KLHL1: variants seen among roughly 807,000 people sequenced by gnomAD.
KLHL1 encodes the protein kelch-like protein 1.
A neutral mutation model predicts 77.7 loss-of-function variants in KLHL1; 47 were observed. The ratio of observed to expected loss-of-function variants is 0.60; its 90% CI spans 0.48 to 0.77. The LOEUF is 0.77. KLHL1 is among the 30% of genes least tolerant of loss of function. The probability of loss-of-function intolerance (pLI) is 0.00; values close to 1 mark genes in which losing one functional copy is unlikely to be tolerated. For synonymous variants in KLHL1, 360 were observed against 325.2 expected (o/e 1.11, Z -1.15); for missense variants, 925 against 910.8 (o/e 1.02, Z -0.20).
chr13:69,947,617 C>A (rs913669663), intron 3 of KLHL1, among the ~76,000 whole-genome samples: 1 of 151,662 alleles, frequency 6.6e-6, no homozygotes, highest in African/African-American at 2.4e-5. Flanking sequence ...TTATTTATTG[C>A]TAGCTTTGGA....
chr13:69,846,798 C>T (rs147888102), intron 5 of KLHL1, among the ~76,000 whole-genome samples: 137 of 151,422 alleles, frequency 9.0e-4, no homozygotes, highest in African/African-American at 3.2e-3. Flanking sequence ...TGTGTGCACA[C>T]TCTTCAAATT....
chr13:70,019,457 C>T (rs985533381), intron 1 of KLHL1, among the ~76,000 whole-genome samples: 17 of 135,310 alleles, frequency 1.3e-4, no homozygotes, highest in African/African-American at 4.6e-4. Context: ...GAGGCAGGTA[C>T]TATTATTTGC....
intron 4 of KLHL1, among the ~76,000 whole-genome samples, chr13:69,939,723 G>A (rs1051790607): frequency 4.6e-5 from 7 of 152,058 alleles, no homozygotes; most frequent in African/African-American, 7.2e-5. Context: ...AGGGCCTGGA[G>A]CCTATGCGCC....
intron 1 of KLHL1, among the ~76,000 whole-genome samples, chr13:70,056,693 G>A (rs1193858662): frequency 6.6e-6 from 1 of 151,930 alleles, no homozygotes; most frequent in Non-Finnish European, 1.5e-5. Flanking sequence ...ACAAACACAT[G>A]GAAATTAAAC....
At chr13:70,043,543 T>C (rs1886427203) in intron 1 of KLHL1, among the ~76,000 whole-genome samples, 1 of 152,192 alleles carries the variant, frequency 6.6e-6, no homozygotes, top group African/African-American at 2.4e-5. Flanking sequence ...AACTTTCAGT[T>C]GTGGAAGCTC....
chr13:69,993,846 C>T (rs1885084529), intron 1 of KLHL1, among the ~76,000 whole-genome samples: 1 of 151,984 alleles, frequency 6.6e-6, no homozygotes, highest in Non-Finnish European at 1.5e-5. Context: ...GGGATGACCC[C>T]AAGATACTGG....
intron 2 of KLHL1, among the ~76,000 whole-genome samples, chr13:69,964,846 G>C (rs1417142784): frequency 6.6e-6 from 1 of 151,676 alleles, no homozygotes; most frequent in Non-Finnish European, 1.5e-5. Flanking sequence ...TAAACAACTG[G>C]GTCATCTCTT....
Position 70,030,484 on chromosome 13 carries a change from T to C in KLHL1, c.498-54682A>G, listed in dbSNP as rs145131237. On this transcript the variant is annotated intron_variant, in intron 1 of 10. Coordinates refer to ENST00000377844, the MANE Select transcript of KLHL1 (RefSeq NM_020866.3). Reference sequence around the variant, plus strand: ...ACATGGAAACTGAAAAACCTGCTCCTGAATGACTACAAGGTACATAACGAA... The same window carrying C: ...ACATGGAAACTGAAAAACCTGCTCCCGAATGACTACAAGGTACATAACGAA... Among the ~76,000 whole-genome samples, 738 of 152,346 alleles carry C rather than the reference T, an allele frequency of 4.8e-3. 7 individuals carry two copies. Among genetic ancestry groups the C allele is most frequent in the Middle Eastern group, 0.014 (4 of 294 alleles).
At chr13:69,867,179 T>A (rs979604155) in intron 5 of KLHL1, among the ~76,000 whole-genome samples, 6 of 152,158 alleles carry the variant, frequency 3.9e-5, no homozygotes, top group African/African-American at 1.4e-4. Context: ...TAACAGAGTC[T>A]ATCACATAGT....
At chr13:70,099,411 T>C (rs1162104977) in intron 1 of KLHL1, among the ~76,000 whole-genome samples, 1 of 152,018 alleles carries the variant, frequency 6.6e-6, no homozygotes, top group South Asian at 2.1e-4. Context: ...TGTGCAGAGA[T>C]GCTTACTAGA....
intron 6 of KLHL1, among the ~76,000 whole-genome samples, chr13:69,829,587 A>T (rs1878680925): frequency 6.7e-6 from 1 of 150,184 alleles, no homozygotes; most frequent in South Asian, 2.1e-4. Context: ...CCAAACCAAG[A>T]AGAAATCTCT....
chr13:69,932,374 C>T (rs866435231), intron 4 of KLHL1, among the ~76,000 whole-genome samples: 7 of 151,418 alleles, frequency 4.6e-5, no homozygotes, highest in African/African-American at 9.7e-5. Context: ...TAAGTTGAAA[C>T]GACCCTGGAA....
intron 1 of KLHL1, among the ~76,000 whole-genome samples, chr13:70,007,454 A>C (rs1280636582): frequency 1.3e-5 from 2 of 151,940 alleles, no homozygotes; most frequent in Non-Finnish European, 1.5e-5. Context: ...CAAAAAAAAA[A>C]ACACAAGTAA....
At chr13:69,985,914 A>ATG (rs1884856637) in intron 1 of KLHL1, among the ~76,000 whole-genome samples, 1 of 147,854 alleles carries the variant, frequency 6.8e-6, no homozygotes, top group African/African-American at 2.5e-5. Context: ...TGTAAGTTAT[A>ATG]TATATATGTA....
chr13:69,743,859 G>C (rs1361121480), intron 7 of KLHL1, among the ~76,000 whole-genome samples: 2 of 151,242 alleles, frequency 1.3e-5, no homozygotes, highest in Non-Finnish European at 2.9e-5. Context: ...AATAAATTAG[G>C]GATAAATAAA....
At chr13:70,047,580 G>A (rs1196624475) in intron 1 of KLHL1, among the ~76,000 whole-genome samples, 4 of 151,998 alleles carry the variant, frequency 2.6e-5, no homozygotes, top group African/African-American at 9.7e-5. Flanking sequence ...AGATTTCATT[G>A]AAAAGATAAA....
rs1566411065 is a variant in KLHL1, at chr13:69,927,737, TA to T, written c.1014+12302del. On this transcript the variant is annotated intron_variant, in intron 4 of 10. Coordinates refer to ENST00000377844, the MANE Select transcript of KLHL1 (RefSeq NM_020866.3). Reference sequence around the variant, plus strand: ...CACATACTAGGATGGCTATAATCAATAAAAAACAACAAAAATTATTGGCAAG... The same window carrying T: ...CACATACTAGGATGGCTATAATCAATAAAAACAACAAAAATTATTGGCAAG... Among the ~76,000 whole-genome samples, 5 of 152,174 alleles carry T rather than the reference TA, an allele frequency of 3.3e-5. No individual in the cohort carries two copies. In the South Asian group the frequency reaches 6.2e-4, roughly 19 times the overall value.
Position 69,721,250 on chromosome 13 carries a change from C to G in KLHL1, c.1803-1669G>C, listed in dbSNP as rs147711614. Among the ~76,000 whole-genome samples the G allele has an allele frequency of 7.0e-3, 1,018 of 145,854 alleles. 11 individuals are homozygous for G. The highest frequency in any genetic ancestry group is 0.024 in the African/African-American group (974 of 39,824). On this transcript the variant is annotated intron_variant, in intron 8 of 10. Transcript: ENST00000377844. ...CACTTGTCTCTTAACCTACCTATGA[C>G]CTGGAAGCCCCCTCCCCATTTCGAT...
chr13:69,956,750 T>C (rs111812228), intron 3 of KLHL1, among the ~76,000 whole-genome samples: 5 of 151,736 alleles, frequency 3.3e-5, no homozygotes, highest in African/African-American at 9.6e-5. Flanking sequence ...TATATAACTG[T>C]GTCCTCATAT....
Sources: allele counts gnomAD v4.1 joint callset (sites outside exome capture counted in the v4.1 genomes callset), GRCh38; gene constraint gnomAD v4.1.1; transcripts MANE v1.5; gene names NCBI Gene and HGNC (gene_info 2026-07-23, HGNC 2026-07-21).